Variants in PDE4D observed in about 807,000 individuals in gnomAD.
PDE4D encodes the protein phosphodiesterase 4D, also known as 3',5'-cyclic-AMP phosphodiesterase 4D.
PDE4D carries 24 observed loss-of-function variants against 87.4 expected under a neutral mutation model. The ratio of observed to expected loss-of-function variants is 0.27; its 90% CI spans 0.20 to 0.39. The LOEUF (loss-of-function observed/expected upper bound fraction) is 0.39. Ranked by LOEUF, PDE4D falls within the 10% of genes least tolerant of loss-of-function variation. PDE4D has a pLI of 1.00. For missense variants in PDE4D, 714 were observed against 1,041.0 expected (o/e 0.69, Z 4.32); for synonymous variants, 384 against 383.2 (o/e 1.00, Z -0.02).
At chr5:60,036,590 A>G (rs1767824305) in intron 2 of PDE4D, among the ~76,000 whole-genome samples, 1 of 152,242 alleles carries the variant, frequency 6.6e-6, no homozygotes, top group East Asian at 1.9e-4. Context: ...TCTTGTTAAA[A>G]GAATATTAGG....
intron 1 of PDE4D, among the ~76,000 whole-genome samples, chr5:59,291,234 G>A (rs1031412074): frequency 2.0e-5 from 3 of 152,056 alleles, no homozygotes; most frequent in Non-Finnish European, 4.4e-5. Flanking sequence ...TATATATAAT[G>A]TAGTACTATT....
At chr5:60,003,247 T>C (rs1196324135) in intron 2 of PDE4D, among the ~76,000 whole-genome samples, 5 of 152,134 alleles carry the variant, frequency 3.3e-5, no homozygotes, top group Admixed American at 3.3e-4. Context: ...TGAAAATATA[T>C]CCCATATTTA....
intron 1 of PDE4D, among the ~76,000 whole-genome samples, chr5:59,812,905 A>G (rs992709382): frequency 6.6e-5 from 10 of 152,348 alleles, no homozygotes; most frequent in African/African-American, 2.4e-4. Context: ...ACCTGGCTGC[A>G]AAGAAGGGGA....
intron 1 of PDE4D, among the ~76,000 whole-genome samples, chr5:59,605,563 T>C (rs750378230): frequency 1.2e-4 from 18 of 152,106 alleles, no homozygotes; most frequent in Non-Finnish European, 2.5e-4. Flanking sequence ...TAGGCTAAAA[T>C]TGATCTCATT....
chr5:59,614,439 A>G (rs1274826648), intron 1 of PDE4D, among the ~76,000 whole-genome samples: 1 of 152,240 alleles, frequency 6.6e-6, no homozygotes, highest in East Asian at 1.9e-4. Context: ...GAGAAAAGTG[A>G]ATTTAAAAAT....
intron 1 of PDE4D, among the ~76,000 whole-genome samples, chr5:60,418,659 A>G (rs1411706014): frequency 6.6e-6 from 1 of 152,118 alleles, no homozygotes; most frequent in Admixed American, 6.6e-5. Context: ...ACACAGAGAC[A>G]TGCAATGTGA....
intron 1 of PDE4D, among the ~76,000 whole-genome samples, chr5:59,328,018 T>C (rs956005420): frequency 6.6e-6 from 1 of 152,206 alleles, no homozygotes; most frequent in South Asian, 2.1e-4. Context: ...AAGTCTCTTA[T>C]GAGCTAAAAT....
At chr5:59,683,811 G>T (rs535593492) in intron 1 of PDE4D, among the ~76,000 whole-genome samples, 19 of 151,842 alleles carry the variant, frequency 1.3e-4, no homozygotes, top group Non-Finnish European at 2.7e-4. Flanking sequence ...TTTTTTGTTT[G>T]GTAGAATCAT....
At chr5:60,130,322 A>G (rs1779457628) in intron 2 of PDE4D, among the ~76,000 whole-genome samples, 3 of 152,182 alleles carry the variant, frequency 2.0e-5, no homozygotes, top group Admixed American at 2.0e-4. Context: ...AAATATTGGC[A>G]AGCTTACAGT....
intron 1 of PDE4D, among the ~76,000 whole-genome samples, chr5:59,672,259 T>C (rs905825542): frequency 6.6e-6 from 1 of 152,138 alleles, no homozygotes; most frequent in Admixed American, 6.5e-5. Flanking sequence ...TGCCTAAAGT[T>C]GGAGAAAGTG....
At chr5:59,051,625 A>G (rs1761563666) in intron 5 of PDE4D, among the ~76,000 whole-genome samples, 1 of 152,236 alleles carries the variant, frequency 6.6e-6, no homozygotes, top group South Asian at 2.1e-4. Context: ...AGTGATTTCT[A>G]ATGGACACGA....
chr5:60,133,394 T>C (rs944877837), intron 2 of PDE4D, among the ~76,000 whole-genome samples: 6 of 152,070 alleles, frequency 3.9e-5, no homozygotes, highest in African/African-American at 1.4e-4. Flanking sequence ...AGTGGTGTGA[T>C]CTTGGCTCAT....
At chr5:60,296,722 A>G (rs1454154019) in intron 1 of PDE4D, among the ~76,000 whole-genome samples, 1 of 152,234 alleles carries the variant, frequency 6.6e-6, no homozygotes, top group Non-Finnish European at 1.5e-5. Context: ...GACTGGATAA[A>G]GAAAATGTGG....
intron 1 of PDE4D, chr5:59,586,615 T>C (rs960361707): frequency 3.2e-6 from 4 of 1,251,104 alleles, no homozygotes; most frequent in African/African-American, 3.1e-5. Flanking sequence ...TATGGGTCCA[T>C]CCATTTAGGT....
intron 5 of PDE4D, among the ~76,000 whole-genome samples, chr5:59,155,517 GGGATGAGGA>G (rs1485496282): frequency 6.6e-6 from 1 of 152,216 alleles, no homozygotes; most frequent in African/African-American, 2.4e-5. Flanking sequence ...AGACTGAATA[GGGATGAGGA>G]GGTAGAGCAA....
rs200907090 is a variant in PDE4D, at chr5:59,432,931, TA to T, written c.456-216964del. 7.2e-3 allele frequency among the ~76,000 whole-genome samples: 1,090 copies of T among 152,276 alleles called. 15 individuals are homozygous for T. Among genetic ancestry groups the T allele is most frequent in the African/African-American group, 0.024 (997 of 41,572 alleles). On this transcript the variant is annotated intron_variant, in intron 1 of 14. Coordinates refer to ENST00000340635, the MANE Select transcript of PDE4D (RefSeq NM_001104631.2). ...TCTGTTATGTTTTTACTCTTCAGTA[TA>T]TTTTTCTTAATGGGAATAATATTTC...
At chr5:59,050,673 A>T (rs1475019036) in intron 5 of PDE4D, among the ~76,000 whole-genome samples, 1 of 152,244 alleles carries the variant, frequency 6.6e-6, no homozygotes, top group Non-Finnish European at 1.5e-5. Context: ...CATGGGAAAT[A>T]GTGTGATAGA....
intron 1 of PDE4D, among the ~76,000 whole-genome samples, chr5:60,446,851 A>C (rs1583798278): frequency 6.6e-6 from 1 of 152,124 alleles, no homozygotes; most frequent in African/African-American, 2.4e-5. Flanking sequence ...GCCCCCTGCC[A>C]AGCTTTGGCC....
intron 1 of PDE4D, among the ~76,000 whole-genome samples, chr5:60,378,635 C>T (rs750125361): frequency 2.0e-5 from 3 of 152,006 alleles, no homozygotes; most frequent in African/African-American, 4.8e-5. Context: ...GGGTGGATCA[C>T]GATGTCAGGA....
Sources: allele counts gnomAD v4.1 joint callset (sites outside exome capture counted in the v4.1 genomes callset), GRCh38; gene constraint gnomAD v4.1.1; transcripts MANE v1.5; gene names NCBI Gene and HGNC (gene_info 2026-07-23, HGNC 2026-07-21).